PWWP2A: variants seen among roughly 807,000 people sequenced by gnomAD.
The protein encoded by PWWP2A is PWWP domain-containing protein 2A.
Under a neutral mutation model 48.5 loss-of-function variants are expected in PWWP2A, and 18 were observed. The observed-to-expected ratio is 0.37, with a 90% CI of 0.26 to 0.55. PWWP2A has a LOEUF of 0.55. PWWP2A is among the 20% of genes least tolerant of loss of function. The probability of loss-of-function intolerance (pLI) is 0.81; values close to 1 mark genes in which losing one functional copy is unlikely to be tolerated. For missense variants in PWWP2A, 867 were observed against 976.4 expected (o/e 0.89, Z 1.49); for synonymous variants, 396 against 387.7 (o/e 1.02, Z -0.25).
rs753943104 is a variant in PWWP2A at position 160,119,215 on chromosome 5, T to C, written c.174A>G (p.Gln58=). ...SVPDGETDGQ[Q]SAPQADEPPL... is the part of the protein sequence containing the mutation. ...GCGGCTCGTCGGCCTGAGGAGCGGA[T>C]TGCTGCCCGTCAGTCTCGCCATCCG... is the stretch of plus-strand genomic sequence containing the variant. The change falls in exon 1 of 2, where the codon CAA becomes CAG. Residue 58 remains glutamine (Q), a synonymous_variant. Transcript: ENST00000307063. The C allele has an allele frequency of 4.8e-6, 7 of 1,444,110 alleles. No homozygotes were observed. In the Admixed American group the frequency reaches 9.1e-5, roughly 19 times the overall value. The allele number at this position is 1,444,110 out of a possible 1,614,324, so 89.5% of individuals were successfully genotyped here. A position where few individuals can be genotyped will look rare whatever the true frequency, so the allele number is the denominator to read the frequency against.
At chr5:160,100,699 C>T (rs953321221) in intron 1 of PWWP2A, among the ~76,000 whole-genome samples, 1 of 152,230 alleles carries the variant, frequency 6.6e-6, no homozygotes, top group Non-Finnish European at 1.5e-5. Context: ...CAGCAGCAAA[C>T]TAAATCACGG....
the PWWP2A span, among the ~76,000 whole-genome samples, chr5:160,048,126 C>CTTTTTTTTTTT: frequency 8.4e-5 from 3 of 35,538 alleles, 1 homozygote; most frequent in African/African-American, 3.7e-4. Context: ...CAAGACATTG[C>CTTTTTTTTTTT]TTTTTTTTTT....
chr5:160,110,346 T>C (rs773060620), intron 1 of PWWP2A, among the ~76,000 whole-genome samples: 2 of 152,152 alleles, frequency 1.3e-5, no homozygotes, highest in African/African-American at 2.4e-5. Context: ...TATAAAAGGA[T>C]TACTGCTATT....
At chr5:160,115,415 G>T (rs1443916808) in intron 1 of PWWP2A, among the ~76,000 whole-genome samples, 1 of 151,880 alleles carries the variant, frequency 6.6e-6, no homozygotes, top group Non-Finnish European at 1.5e-5. Flanking sequence ...AAACAGGCTG[G>T]GCACGGTGGC....
chr5:160,090,063 A>C (rs530774626), downstream of PWWP2A: 11 of 985,436 alleles, frequency 1.1e-5, no homozygotes, highest in African/African-American at 1.6e-4. Context: ...CCAGACTGCC[A>C]GTTTAAAACG....
At chr5:160,063,787 C>T (rs1215798394) in intron 4 of PWWP2A, 2 of 152,002 alleles carry the variant, frequency 1.3e-5, no homozygotes, top group Non-Finnish European at 1.5e-5. Flanking sequence ...CTTAAAACAG[C>T]ATAAGAACTG....
At chr5:160,046,399 A>G in the PWWP2A span, among the ~76,000 whole-genome samples, 1 of 150,434 alleles carries the variant, frequency 6.6e-6, no homozygotes, top group Admixed American at 6.6e-5. Flanking sequence ...TTCATTGGCT[A>G]TTCCTTCTTA....
chr5:160,115,522 G>A (rs1386298260), intron 1 of PWWP2A, among the ~76,000 whole-genome samples: 12 of 151,870 alleles, frequency 7.9e-5, no homozygotes, highest in South Asian at 6.2e-4. Context: ...TGAAACCCCC[G>A]TCTCTACTAA....
At chr5:160,116,730 A>G in intron 1 of PWWP2A, 1 of 985,180 alleles carries the variant, frequency 1.0e-6, no homozygotes, top group Non-Finnish European at 1.2e-6. Flanking sequence ...CCAGATTCTC[A>G]CACAATCACT....
intron 2 of PWWP2A, among the ~76,000 whole-genome samples, chr5:160,070,861 G>A (rs749882957): frequency 6.6e-6 from 1 of 152,146 alleles, no homozygotes; most frequent in Non-Finnish European, 1.5e-5. Flanking sequence ...TTCCTACGAC[G>A]TTTTATGTAA....
At position 160,063,826 on chromosome 5, in the gene PWWP2A, G is replaced by A. The variant is rs147695931; in HGVS notation, c.*237-153C>T. Among the ~76,000 whole-genome samples, 336 of 152,144 alleles carry A rather than the reference G, an allele frequency of 2.2e-3. 2 individuals are homozygous for A. Among genetic ancestry groups the A allele is most frequent in the African/African-American group, 7.6e-3 (314 of 41,506 alleles). Reference sequence around the variant, plus strand: ...TTTGTTTTTAAAAAAAAAATTTGTAGAGATAGAGTCTCACTGCGTTGCTCG... The same window carrying A: ...TTTGTTTTTAAAAAAAAAATTTGTAAAGATAGAGTCTCACTGCGTTGCTCG... On this transcript the variant is annotated intron_variant and NMD_transcript_variant, in intron 4 of 5. Coordinates refer to the PWWP2A transcript ENST00000524050.
At position 160,066,539 on chromosome 5, in the gene PWWP2A, T is replaced by G. The variant is rs183466027; in HGVS notation, c.*236+9A>C. 4 of 152,022 alleles carry G rather than the reference T, an allele frequency of 2.6e-5. No individual in the cohort carries two copies. In the East Asian group the frequency reaches 7.7e-4, roughly 29 times the overall value. The allele number at this position is 152,022 out of a possible 1,614,324, so 9.4% of individuals were successfully genotyped here. On this transcript the variant is annotated intron_variant and NMD_transcript_variant, in intron 4 of 5. Transcript: ENST00000524050. ...TCTTGAACTCCCGGCCTCAAGATGATCCACCCACCTTGGCTTTGGATTACA... is the reference window on the plus strand; with the variant it reads ...TCTTGAACTCCCGGCCTCAAGATGAGCCACCCACCTTGGCTTTGGATTACA...
At chr5:160,108,409 T>G in intron 1 of PWWP2A, 1 of 408,522 alleles carries the variant, frequency 2.4e-6, no homozygotes, top group South Asian at 1.9e-5. Context: ...TATTGACATC[T>G]TGGCATATAA....
At chr5:160,108,734 T>C in intron 1 of PWWP2A, 1 of 459,084 alleles carries the variant, frequency 2.2e-6, no homozygotes. Flanking sequence ...TCATCAATTA[T>C]TTTTAATCCA....
At chr5:160,084,817 CACTCA>C (rs1162719873) in intron 2 of PWWP2A, among the ~76,000 whole-genome samples, 2 of 152,102 alleles carry the variant, frequency 1.3e-5, no homozygotes, top group South Asian at 2.1e-4. Context: ...CTTTCTTTTA[CACTCA>C]ACTCGATGAC....
At chr5:160,090,033 G>C (rs1337698256), downstream of PWWP2A, 1 of 985,270 alleles carries the variant, frequency 1.0e-6, no homozygotes, top group Non-Finnish European at 1.2e-6. Flanking sequence ...CTTCCCTACT[G>C]AAACTGCAAA....
At chr5:160,049,452 A>G in the PWWP2A span, 4 of 1,398,908 alleles carry the variant, frequency 2.9e-6, no homozygotes, top group South Asian at 3.2e-5. Flanking sequence ...GGAATCTGAT[A>G]TAGCCAAAGA....
downstream of PWWP2A, chr5:160,089,656 A>C: frequency 3.1e-6 from 4 of 1,285,756 alleles, no homozygotes; most frequent in Non-Finnish European, 1.0e-6. Context: ...TACATTTCTG[A>C]GAATTTCCAG....
Position 160,077,884 on chromosome 5 carries a change from AGTGAGTTCTT to A in PWWP2A, c.*261_*270del. 5.2e-6 allele frequency: 2 copies of A among 381,134 alleles called. No individual in the cohort carries two copies. The highest frequency in any genetic ancestry group is 9.9e-5 in the South Asian group (2 of 20,140). 23.6% of individuals were successfully genotyped at this position (381,134 alleles called of 1,614,324 possible). ...AGTGTTTCTTCATATATAAAATTCA[AGTGAGTTCTT>A]ACGTGTGTAATTCACATCATTTTTC... On this transcript the variant is annotated 3_prime_UTR_variant, in exon 4 of 4. Coordinates refer to the PWWP2A transcript ENST00000456329. This position sits in a 1 kb window ranked among gnomAD's most constrained non-coding sequence, Gnocchi z 4.2.
Sources: gnomAD v4.1 joint callset for allele counts (sites outside exome capture counted in the v4.1 genomes callset) on GRCh38, gnomAD v4.1.1 for gene constraint, Gnocchi (gnomAD v3.1) non-coding constraint, MANE v1.5 for transcripts, NCBI Gene and HGNC (gene_info 2026-07-23, HGNC 2026-07-21) for gene names.